RAD54B: variants seen among roughly 807,000 people sequenced by gnomAD.
RAD54B encodes RAD54 homolog B.
Under a neutral mutation model 95.8 loss-of-function variants are expected in RAD54B, and 78 were observed. The ratio of observed to expected loss-of-function variants is 0.81; its 90% confidence interval spans 0.68 to 0.98. The LOEUF (loss-of-function observed/expected upper bound fraction) is 0.98. Among genes scored for constraint, RAD54B ranks in the 50% least tolerant of loss-of-function variants. The pLI is 0.00. For missense variants in RAD54B, 957 were observed against 1,056.6 expected (o/e 0.91, Z 1.31); for synonymous variants, 328 against 354.9 (o/e 0.92, Z 0.85).
intron 14 of RAD54B, among the ~76,000 whole-genome samples, chr8:94,374,344 G>T (rs193273467): frequency 6.6e-6 from 1 of 151,484 alleles, no homozygotes; most frequent in South Asian, 2.1e-4. Flanking sequence ...AATAATACCT[G>T]CAAAGTACTA....
At chr8:94,395,654 T>C (rs1401621733) in intron 8 of RAD54B, among the ~76,000 whole-genome samples, 2 of 152,162 alleles carry the variant, frequency 1.3e-5, no homozygotes, top group African/African-American at 4.8e-5. Context: ...AGCATGTGAC[T>C]CATCCTGGCC....
intron 2 of RAD54B, among the ~76,000 whole-genome samples, chr8:94,461,111 A>G (rs1812890127): frequency 6.6e-6 from 1 of 151,350 alleles, no homozygotes; most frequent in Non-Finnish European, 1.5e-5. Flanking sequence ...TTTTTTAAAT[A>G]GAAACTCACA....
intron 3 of RAD54B, among the ~76,000 whole-genome samples, chr8:94,435,721 G>T (rs1314809709): frequency 6.6e-6 from 1 of 152,022 alleles, no homozygotes; most frequent in Non-Finnish European, 1.5e-5. Flanking sequence ...AAAAAACCCA[G>T]TTGCTCTTAG....
chr8:94,403,216 A>G (rs569699379), intron 6 of RAD54B, among the ~76,000 whole-genome samples: 1 of 152,280 alleles, frequency 6.6e-6, no homozygotes, highest in South Asian at 2.1e-4. Context: ...ATAAACAAAA[A>G]AGACTGGAAG....
chr8:94,467,577 T>C (rs1049060186), intron 1 of RAD54B, 22 bp from the exon 2 acceptor site: 3 of 1,586,846 alleles, frequency 1.9e-6, no homozygotes, highest in African/African-American at 2.7e-5. Flanking sequence ...CCAAAACAGT[T>C]AACTATCCAC....
rs191691970 is a variant in RAD54B at position 94,374,971 on chromosome 8, C to A, written c.2516-2584G>T. ...AAGAGAATAGCAAATTAAAACTATA[C>A]CAATATATTATTTTCTTACTATCAG... On this transcript the variant is annotated intron_variant, in intron 14 of 14. Coordinates refer to ENST00000336148, the MANE Select transcript of RAD54B (RefSeq NM_012415.3). Among the ~76,000 whole-genome samples, 1,181 of 152,158 alleles carry A rather than the reference C, an allele frequency of 7.8e-3. 11 individuals carry two copies. Among genetic ancestry groups the A allele is most frequent in the African/African-American group, 0.027 (1,110 of 41,526 alleles).
intron 3 of RAD54B, among the ~76,000 whole-genome samples, chr8:94,454,928 G>A (rs183725858): frequency 1.3e-5 from 2 of 152,054 alleles, no homozygotes; most frequent in East Asian, 1.9e-4. Flanking sequence ...TCTCCAATGG[G>A]GAAAGATTTT....
chr8:94,455,557 T>C (rs745663517), intron 3 of RAD54B, among the ~76,000 whole-genome samples: 6 of 152,220 alleles, frequency 3.9e-5, no homozygotes, highest in Non-Finnish European at 5.9e-5. Flanking sequence ...AGAAACTATA[T>C]AGCTCTGAAT....
intron 3 of RAD54B, chr8:94,436,731 C>T: frequency 6.4e-7 from 1 of 1,550,666 alleles, no homozygotes; most frequent in Non-Finnish European, 8.7e-7. Context: ...CTATGATATC[C>T]CAACATCTAT....
At chr8:94,448,337 G>A (rs1010610806) in intron 3 of RAD54B, among the ~76,000 whole-genome samples, 17 of 152,108 alleles carry the variant, frequency 1.1e-4, no homozygotes, top group African/African-American at 3.6e-4. Context: ...ACAAATGTTG[G>A]CAAGGGTGTG....
rs552710324 is a variant in RAD54B at position 94,391,782 on chromosome 8, C to T, written c.1636G>A (p.Val546Ile). 6.8e-6 allele frequency: 11 copies of T among 1,613,972 alleles called. No individual in the cohort carries two copies. The highest frequency in any genetic ancestry group is 9.3e-6 in the Non-Finnish European group (11 of 1,180,022). The part of the protein sequence containing the change: ...NKYLPPKIEN[V>I]VFCRPGALQI... ...AGTGCTCCTGGTCGGCAAAAGACAA[C>T]ATTCTCTATTTTAGGTGGGAGATAT... is the stretch of plus-strand genomic sequence containing the variant. The change falls in exon 10 of 15, where the codon GTT becomes ATT. Residue 546 changes from valine (V) to isoleucine (I), a missense_variant. Physicochemically the swap from Val to Ile is conservative, Grantham distance 29. Transcript: ENST00000336148.
intron 3 of RAD54B, chr8:94,429,055 T>C (rs1264746840): frequency 3.0e-6 from 3 of 985,056 alleles, no homozygotes; most frequent in African/African-American, 3.5e-5. Context: ...TTTTGCAAAT[T>C]AAAAGTAAAC....
chr8:94,400,384 T>C lies in RAD54B; in HGVS notation c.1024A>G (p.Thr342Ala). Residue 342 changes from threonine (T) to alanine (A), a missense_variant, in exon 7 of 15, where the codon ACC (threonine) becomes GCC (alanine). By Grantham distance (58) the Thr-to-Ala change is moderately conservative (BLOSUM62 0). Coordinates refer to ENST00000336148, the MANE Select transcript of RAD54B (RefSeq NM_012415.3). ...KTLQCISLIW[T>A]LQCQGPYGGK... ...CCATAGGGTCCCTGACACTGCAGGGTCCAGATGAGCGAAATACATTGCAAT... is the reference window on the plus strand; with the variant it reads ...CCATAGGGTCCCTGACACTGCAGGGCCCAGATGAGCGAAATACATTGCAAT... The C allele has an allele frequency of 6.2e-7, 1 of 1,613,752 alleles. No individual in the cohort carries two copies. Among genetic ancestry groups the C allele is most frequent in the Admixed American group, 1.7e-5 (1 of 59,906 alleles).
At chr8:94,389,203 C>T (rs114323278) in intron 10 of RAD54B, among the ~76,000 whole-genome samples, 2 of 152,334 alleles carry the variant, frequency 1.3e-5, no homozygotes, top group African/African-American at 4.8e-5. Flanking sequence ...AATTCTCCCA[C>T]CTCAGCCTCG....
intron 3 of RAD54B, among the ~76,000 whole-genome samples, chr8:94,442,437 T>C (rs1007630280): frequency 6.6e-6 from 1 of 151,884 alleles, no homozygotes; most frequent in South Asian, 2.1e-4. Context: ...TAGCCAGGCG[T>C]GGTGGCAGGC....
chr8:94,383,021 G>A (rs1372849653), intron 11 of RAD54B, among the ~76,000 whole-genome samples: 1 of 152,118 alleles, frequency 6.6e-6, no homozygotes, highest in East Asian at 1.9e-4. Context: ...AGGATGCCGG[G>A]CACTGTGGCT....
In RAD54B at chr8:94,431,440, T is replaced by C. The variant is rs539451711; in HGVS notation, c.305-20125A>G. ...TTAAAGGCAATTTTAATGAAAGAAA[T>C]GCTTCTAATATTTAAATCTAGAGAA... is the stretch of plus-strand genomic sequence containing the variant. On this transcript the variant is annotated intron_variant, in intron 3 of 14. Coordinates refer to ENST00000336148, the MANE Select transcript of RAD54B (RefSeq NM_012415.3). The C allele has an allele frequency of 5.6e-5, 55 of 980,394 alleles. No homozygotes were observed. In the African/African-American group the frequency reaches 9.4e-4, roughly 17 times the overall value. 60.7% of individuals were successfully genotyped at this position (980,394 alleles called of 1,614,324 possible).
At chr8:94,394,389 A>C (rs1454068097) in intron 8 of RAD54B, among the ~76,000 whole-genome samples, 1 of 143,466 alleles carries the variant, frequency 7.0e-6, no homozygotes, top group Non-Finnish European at 1.5e-5. Context: ...CAAACTGCTT[A>C]AGTCCTTTAA....
chr8:94,390,347 A>G (rs1307178069), intron 10 of RAD54B, among the ~76,000 whole-genome samples: 1 of 151,524 alleles, frequency 6.6e-6, no homozygotes, highest in African/African-American at 2.4e-5. Flanking sequence ...TAAAAATACA[A>G]AAATTAGCTG....
Sources: allele counts gnomAD v4.1 joint callset (sites outside exome capture counted in the v4.1 genomes callset), GRCh38; gene constraint gnomAD v4.1.1; transcripts MANE v1.5; gene names NCBI Gene and HGNC (gene_info 2026-07-23, HGNC 2026-07-21).